PRKCH: variants seen among roughly 807,000 people sequenced by gnomAD.
PRKCH encodes protein kinase C eta type.
Under a neutral mutation model 82.5 loss-of-function variants are expected in PRKCH, and 28 were observed. The ratio of observed to expected loss-of-function variants is 0.34; its 90% CI spans 0.25 to 0.47. PRKCH has a LOEUF of 0.47. Ranked by LOEUF, PRKCH falls within the 20% of genes least tolerant of loss-of-function variation. The probability of loss-of-function intolerance (pLI) is 1.00; values close to 1 mark genes in which losing one functional copy is unlikely to be tolerated. For synonymous variants in PRKCH, 322 were observed against 327.4 expected, an observed-to-expected ratio of 0.98 and a Z score of 0.18; for missense variants, 705 against 881.8, an observed-to-expected ratio of 0.80 and a Z score of 2.54.
At chr14:61,343,351 C>CAAAAAAAAAAAAAAAAAA (rs57154047) in intron 1 of PRKCH, among the ~76,000 whole-genome samples, 1 of 87,350 alleles carries the variant, frequency 1.1e-5, no homozygotes, top group Non-Finnish European at 2.2e-5. Flanking sequence ...CCAGTTCCCT[C>CAAAAAAAAAAAAAAAAAA]AAAAAAAAAA....
Position 61,391,011 on chromosome 14 carries a change from G to C in PRKCH, c.364-214G>C, listed in dbSNP as rs78733089. On this transcript the variant is annotated intron_variant, in intron 1 of 13. Transcript: ENST00000332981. ...AATGGGAGAGAATAAAATTCAAGAG[G>C]AAGGAAACTGATAAAATGTGGTTTC... Among the ~76,000 whole-genome samples, 1,499 of 152,306 alleles carry C rather than the reference G, an allele frequency of 9.8e-3. 33 individuals are homozygous for C. The highest frequency in any genetic ancestry group is 0.06 in the South Asian group (291 of 4,822).
intron 1 of PRKCH, among the ~76,000 whole-genome samples, chr14:61,284,566 G>C (rs1012010728): frequency 6.6e-6 from 1 of 152,168 alleles, no homozygotes; most frequent in African/African-American, 2.4e-5. Flanking sequence ...GTTCCGAGAG[G>C]TGGAAGACTG....
At chr14:61,330,321 C>T (rs1386767404) in intron 1 of PRKCH, among the ~76,000 whole-genome samples, 1 of 152,166 alleles carries the variant, frequency 6.6e-6, no homozygotes, top group Non-Finnish European at 1.5e-5. Flanking sequence ...GAACTTCTGA[C>T]CTGATAATGT....
chr14:61,289,988 T>C (rs1236408484), intron 1 of PRKCH, among the ~76,000 whole-genome samples: 3 of 152,168 alleles, frequency 2.0e-5, no homozygotes, highest in Non-Finnish European at 4.4e-5. Flanking sequence ...TAAAGATTTC[T>C]GCCTGAGAGA....
chr14:61,264,150 G>T lies in PRKCH; in HGVS notation c.-19+76482G>T, dbSNP rs529718869. On this transcript the variant is annotated intron_variant, in intron 1 of 3. Transcript: ENST00000555185. ...TAAAGCCAGTTTATTTTATCTTCCT[G>T]GAGTGCCTGCTGCTAGCAGTTACAC... is the stretch of plus-strand genomic sequence containing the variant. 4.6e-5 allele frequency among the ~76,000 whole-genome samples: 7 copies of T among 152,118 alleles called. No individual in the cohort carries two copies. In the South Asian group the frequency reaches 8.3e-4, roughly 18 times the overall value.
chr14:61,219,858 G>A (rs998773643), intron 1 of PRKCH, among the ~76,000 whole-genome samples: 4 of 152,162 alleles, frequency 2.6e-5, no homozygotes, highest in African/African-American at 9.7e-5. Context: ...GGTGGAGATG[G>A]CAGAGCTGCT....
At chr14:61,230,725 C>A (rs2044736695) in intron 1 of PRKCH, among the ~76,000 whole-genome samples, 1 of 152,154 alleles carries the variant, frequency 6.6e-6, no homozygotes, top group African/African-American at 2.4e-5. Flanking sequence ...CTGTGGGATC[C>A]CCTCTCACTT....
chr14:61,215,310 G>A (rs1799783788), intron 1 of PRKCH, among the ~76,000 whole-genome samples: 1 of 152,212 alleles, frequency 6.6e-6, no homozygotes, highest in Non-Finnish European at 1.5e-5. Flanking sequence ...AGGCCTTAGA[G>A]CAAAGACTGA....
At chr14:61,383,133 T>G (rs1207828283) in intron 1 of PRKCH, among the ~76,000 whole-genome samples, 1 of 152,220 alleles carries the variant, frequency 6.6e-6, no homozygotes, top group Non-Finnish European at 1.5e-5. Context: ...TAACAGAGTA[T>G]AATTTCTAAG....
intron 1 of PRKCH, among the ~76,000 whole-genome samples, chr14:61,374,976 TC>T (rs2046411552): frequency 6.6e-6 from 1 of 152,064 alleles, no homozygotes; most frequent in East Asian, 1.9e-4. Flanking sequence ...ATGCTGTGCT[TC>T]CCTTTTAAAT....
chr14:61,378,242 C>G (rs559254910), intron 1 of PRKCH, among the ~76,000 whole-genome samples: 54 of 125,110 alleles, frequency 4.3e-4, no homozygotes, highest in African/African-American at 1.6e-3. Flanking sequence ...TTTTTTGAGA[C>G]AGCATCTCTC....
At chr14:61,308,103 G>A (rs567940752) in intron 1 of PRKCH, among the ~76,000 whole-genome samples, 1 of 152,286 alleles carries the variant, frequency 6.6e-6, no homozygotes, top group East Asian at 1.9e-4. Context: ...GTCTCCCAGA[G>A]TGTTGGGATT....
intron 1 of PRKCH, chr14:61,298,528 T>C (rs568024444): frequency 1.1e-4 from 17 of 152,164 alleles, no homozygotes; most frequent in African/African-American, 4.1e-4. Context: ...TACAACATGA[T>C]AGAGAAAACA....
At chr14:61,248,808 G>A (rs61992909) in intron 1 of PRKCH, among the ~76,000 whole-genome samples, 31,923 of 150,716 alleles carry the variant, frequency 0.21, 3,474 homozygotes, top group Middle Eastern at 0.29. Context: ...ATGTGTGTGT[G>A]TGTATGTATT....
intron 10 of PRKCH, among the ~76,000 whole-genome samples, chr14:61,520,953 GT>G (rs1292126380): frequency 2.6e-5 from 4 of 152,138 alleles, no homozygotes; most frequent in Non-Finnish European, 2.9e-5. Context: ...ATTGTTTGAA[GT>G]TGCAAAAAAT....
At chr14:61,357,114 A>G (rs1018621633) in intron 1 of PRKCH, among the ~76,000 whole-genome samples, 1 of 152,182 alleles carries the variant, frequency 6.6e-6, no homozygotes, top group Non-Finnish European at 1.5e-5. Flanking sequence ...TCCCAATTCT[A>G]TGGCATATCT....
intron 1 of PRKCH, among the ~76,000 whole-genome samples, chr14:61,193,488 T>C (rs1295357167): frequency 1.3e-5 from 2 of 152,136 alleles, no homozygotes; most frequent in African/African-American, 2.4e-5. Context: ...ACCTTTGTAT[T>C]AAGATTAATG....
Position 61,294,303 on chromosome 14 carries a change from G to C in PRKCH, c.-19+106635G>C, listed in dbSNP as rs557210298. Among the ~76,000 whole-genome samples, 4 of 151,886 alleles carry C rather than the reference G, an allele frequency of 2.6e-5. No individual in the cohort carries two copies. In the South Asian group the frequency reaches 8.3e-4, roughly 32 times the overall value. Reference sequence around the variant, plus strand: ...GCCCAGCTAATTTTTCCTATTTTTAGTAGAGATGGGGTTTCGCCGTGTTAG... The same window carrying C: ...GCCCAGCTAATTTTTCCTATTTTTACTAGAGATGGGGTTTCGCCGTGTTAG... On this transcript the variant is annotated intron_variant, in intron 1 of 3. Transcript: ENST00000555185.
At chr14:61,404,812 A>G (rs948516833) in intron 2 of PRKCH, among the ~76,000 whole-genome samples, 1 of 152,258 alleles carries the variant, frequency 6.6e-6, no homozygotes, top group South Asian at 2.1e-4. Context: ...GAGTCTGTCT[A>G]TTGGGATGGG....
Sources: gnomAD v4.1 joint callset for allele counts (sites outside exome capture counted in the v4.1 genomes callset) on GRCh38, gnomAD v4.1.1 for gene constraint, MANE v1.5 for transcripts, NCBI Gene and HGNC (gene_info 2026-07-23, HGNC 2026-07-21) for gene names.